Variants in JAZF1 observed in about 807,000 individuals in gnomAD.
The protein encoded by JAZF1 is juxtaposed with another zinc finger protein 1.
A neutral mutation model predicts 26.4 loss-of-function variants in JAZF1; 8 were observed. That is an observed-to-expected ratio of 0.30 (90% CI 0.18 to 0.55). JAZF1 has a LOEUF of 0.55. Among genes scored for constraint, JAZF1 ranks in the 20% least tolerant of loss-of-function variants. The pLI is 0.94. For synonymous variants in JAZF1, 126 were observed against 122.3 expected, an observed-to-expected ratio of 1.03 and a Z score of -0.20; for missense variants, 199 against 322.0, an observed-to-expected ratio of 0.62 and a Z score of 2.92.
chr7:27,993,150 G>A (rs1785937915), intron 1 of JAZF1, among the ~76,000 whole-genome samples: 1 of 152,140 alleles, frequency 6.6e-6, no homozygotes, highest in Non-Finnish European at 1.5e-5. Context: ...TCACTTTATT[G>A]TTTTTTCTAT....
At chr7:27,979,664 A>G (rs1312720980) in intron 2 of JAZF1, among the ~76,000 whole-genome samples, 1 of 152,082 alleles carries the variant, frequency 6.6e-6, no homozygotes. Context: ...GGACAGTCCC[A>G]TGCTTCTCAG....
intron 2 of JAZF1, among the ~76,000 whole-genome samples, chr7:27,988,375 AT>A (rs761244185): frequency 0.014 from 2,006 of 141,708 alleles, 28 homozygotes; most frequent in African/African-American, 0.039. Flanking sequence ...TAAATTGTAA[AT>A]TTTTTTTTTT....
intron 1 of JAZF1, among the ~76,000 whole-genome samples, chr7:28,111,739 T>C (rs1784664220): frequency 6.6e-6 from 1 of 152,160 alleles, no homozygotes; most frequent in Admixed American, 6.5e-5. Flanking sequence ...ACAACAACAG[T>C]GTATTTACCT....
intron 1 of JAZF1, among the ~76,000 whole-genome samples, chr7:28,036,141 TG>T (rs1389292975): frequency 6.6e-6 from 1 of 152,204 alleles, no homozygotes; most frequent in African/African-American, 2.4e-5. Context: ...GTAACAACTG[TG>T]GGGGAAAATA....
chr7:28,166,753 C>T lies in JAZF1; in HGVS notation c.115+13710G>A, dbSNP rs559475937. Among the ~76,000 whole-genome samples the T allele has an allele frequency of 4.6e-5, 7 of 152,258 alleles. No homozygotes were observed. In the South Asian group the frequency reaches 1.0e-3, roughly 23 times the overall value. ...GATAAACAATACTAAATTAAGGCTG[C>T]TATATTTTCAAACAGCAAGAATTTG... On this transcript the variant is annotated intron_variant, in intron 1 of 4. Transcript: ENST00000283928.
At chr7:28,014,437 G>A (rs1782849129) in intron 1 of JAZF1, among the ~76,000 whole-genome samples, 1 of 152,160 alleles carries the variant, frequency 6.6e-6, no homozygotes, top group Non-Finnish European at 1.5e-5. Flanking sequence ...CGGACCTGGT[G>A]GGAGGTAATT....
At chr7:27,891,974 A>G (rs1243484301) in intron 3 of JAZF1, among the ~76,000 whole-genome samples, 1 of 152,234 alleles carries the variant, frequency 6.6e-6, no homozygotes. Context: ...CATTTTATAA[A>G]TGAAGTTCCT....
chr7:28,019,236 C>T (rs970268112), intron 1 of JAZF1, among the ~76,000 whole-genome samples: 28 of 152,146 alleles, frequency 1.8e-4, no homozygotes, highest in Admixed American at 1.4e-3. Flanking sequence ...ACACTGGAAC[C>T]GGCGCTGACA....
chr7:27,856,212 C>G (rs1783247314), intron 3 of JAZF1, among the ~76,000 whole-genome samples: 3 of 152,144 alleles, frequency 2.0e-5, no homozygotes, highest in Non-Finnish European at 4.4e-5. Flanking sequence ...CGTGGTCTCG[C>G]TGGCTCAGGA....
At chr7:27,959,464 C>T (rs1389872958) in intron 2 of JAZF1, among the ~76,000 whole-genome samples, 3 of 152,214 alleles carry the variant, frequency 2.0e-5, no homozygotes. Flanking sequence ...ACATACTTTA[C>T]ACTGCTATTT....
At position 28,086,055 on chromosome 7, in the gene JAZF1, G is replaced by T. The variant is rs549483002; in HGVS notation, c.116-94074C>A. Among the ~76,000 whole-genome samples the T allele has an allele frequency of 1.4e-4, 22 of 152,312 alleles. No homozygotes were observed. In the South Asian group the frequency reaches 4.3e-3, roughly 30 times the overall value. On this transcript the variant is annotated intron_variant, in intron 1 of 4. Transcript: ENST00000283928. ...ATCCATATGCCTAACCCACACTGGG[G>T]TTGTATCAAATTGTGATTAATTACC...
At chr7:28,174,628 T>C (rs1220922567) in intron 1 of JAZF1, among the ~76,000 whole-genome samples, 1 of 152,230 alleles carries the variant, frequency 6.6e-6, no homozygotes, top group African/African-American at 2.4e-5. Context: ...AGAAAATGTG[T>C]ATACTAAATG....
chr7:27,929,375 G>A (rs1242138554), intron 2 of JAZF1, among the ~76,000 whole-genome samples: 1 of 152,228 alleles, frequency 6.6e-6, no homozygotes, highest in Non-Finnish European at 1.5e-5. Flanking sequence ...AGGCCAGGGA[G>A]TGTGTCCAGC....
At chr7:28,062,416 A>C (rs773637644) in intron 1 of JAZF1, among the ~76,000 whole-genome samples, 3 of 151,944 alleles carry the variant, frequency 2.0e-5, no homozygotes, top group Non-Finnish European at 4.4e-5. Context: ...GTATATAGGG[A>C]CATCTCTGCT....
At chr7:28,096,670 A>G (rs1784391132) in intron 1 of JAZF1, among the ~76,000 whole-genome samples, 1 of 152,122 alleles carries the variant, frequency 6.6e-6, no homozygotes. Flanking sequence ...ATAAGAGACT[A>G]TTTTTTAACT....
intron 1 of JAZF1, among the ~76,000 whole-genome samples, chr7:28,050,858 G>A (rs1474438214): frequency 2.0e-5 from 3 of 152,280 alleles, no homozygotes; most frequent in African/African-American, 7.2e-5. Context: ...CAATGGCCGG[G>A]TGTGGTGGCT....
intron 1 of JAZF1, among the ~76,000 whole-genome samples, chr7:28,084,146 C>A (rs371159147): frequency 3.3e-5 from 5 of 152,082 alleles, no homozygotes; most frequent in African/African-American, 1.2e-4. Flanking sequence ...TGTGGAAAAG[C>A]CCCCTTGCAA....
At position 28,101,887 on chromosome 7, in the gene JAZF1, T is replaced by A. The variant is rs530537841; in HGVS notation, c.115+78576A>T. Among the ~76,000 whole-genome samples the A allele has an allele frequency of 2.0e-5, 3 of 152,174 alleles. 1 individual carries two copies. The South Asian group carries it at 6.2e-4, about 32-fold the overall frequency. ...GGAAATGCCATTTTTTTTTCTTAGCTCAAAAGGGATCAATACGGCATGGGA... is the reference window on the plus strand; with the variant it reads ...GGAAATGCCATTTTTTTTTCTTAGCACAAAAGGGATCAATACGGCATGGGA... On this transcript the variant is annotated intron_variant, in intron 1 of 4. Coordinates refer to ENST00000283928, the MANE Select transcript of JAZF1 (RefSeq NM_175061.4).
chr7:27,940,792 C>T (rs893718426), intron 2 of JAZF1, among the ~76,000 whole-genome samples: 2 of 152,166 alleles, frequency 1.3e-5, no homozygotes, highest in African/African-American at 4.8e-5. Context: ...ACTGTGGATT[C>T]TGTATCTGAA....
Sources: allele counts gnomAD v4.1 joint callset (sites outside exome capture counted in the v4.1 genomes callset), GRCh38; gene constraint gnomAD v4.1.1; transcripts MANE v1.5; gene names NCBI Gene and HGNC (gene_info 2026-07-23, HGNC 2026-07-21).